RELN: variants seen among roughly 807,000 people sequenced by gnomAD.
RELN encodes reelin.
RELN carries 108 observed loss-of-function variants against 427.6 expected under a neutral mutation model. The ratio of observed to expected loss-of-function variants is 0.25; its 90% CI spans 0.22 to 0.30. The LOEUF is 0.30. RELN is among the 10% of genes least tolerant of loss of function. The pLI is 1.00. For synonymous variants in RELN, 1,524 were observed against 1,513.4 expected, an observed-to-expected ratio of 1.01 and a Z score of -0.16; for missense variants, 3,715 against 4,302.8, an observed-to-expected ratio of 0.86 and a Z score of 3.82.
chr7:103,551,352 T>C, intron 40 of RELN, 56 bp from the exon 41 acceptor site: 2 of 1,205,712 alleles, frequency 1.7e-6, no homozygotes, highest in Non-Finnish European at 1.2e-6. Context: ...AGCCTTGAAA[T>C]GATTCACCAC....
In RELN at chr7:103,827,355, G is replaced by C. The variant is rs369781195; in HGVS notation, c.473+6182C>G. ...GGAGGAGACAGGAAAGGAGAAAAGAGGGGGGAAAATGAAGGGAATAGTTTT... is the reference window on the plus strand; with the variant it reads ...GGAGGAGACAGGAAAGGAGAAAAGACGGGGGAAAATGAAGGGAATAGTTTT... On this transcript the variant is annotated intron_variant, in intron 3 of 64. Transcript: ENST00000428762. Among the ~76,000 whole-genome samples, 14 of 152,040 alleles carry C rather than the reference G, an allele frequency of 9.2e-5. No homozygotes were observed. In the East Asian group the frequency reaches 2.5e-3, roughly 27 times the overall value.
intron 2 of RELN, among the ~76,000 whole-genome samples, chr7:103,863,102 G>A (rs1794109317): frequency 1.3e-5 from 2 of 152,100 alleles, no homozygotes; most frequent in African/African-American, 4.8e-5. Context: ...CTCATCAAGA[G>A]AGACTGAAAC....
chr7:103,834,816 G>A (rs1239537100), intron 2 of RELN, among the ~76,000 whole-genome samples: 1 of 152,190 alleles, frequency 6.6e-6, no homozygotes, highest in East Asian at 1.9e-4. Context: ...TGCTGAGGAT[G>A]CAGAGCAAAA....
intron 28 of RELN, among the ~76,000 whole-genome samples, chr7:103,583,733 A>G (rs1356730930): frequency 1.3e-5 from 2 of 152,256 alleles, no homozygotes; most frequent in Non-Finnish European, 2.9e-5. Flanking sequence ...ACAAGTAGCC[A>G]GCATGGCTGA....
chr7:103,572,415 T>C (rs1397093512), intron 30 of RELN, among the ~76,000 whole-genome samples, 155 bp from the exon 31 acceptor site: 2 of 152,240 alleles, frequency 1.3e-5, no homozygotes, highest in East Asian at 1.9e-4. Flanking sequence ...ACATAAATTA[T>C]AGTAAGTTAA....
At chr7:103,900,300 C>T (rs1196146158) in intron 2 of RELN, among the ~76,000 whole-genome samples, 2 of 151,960 alleles carry the variant, frequency 1.3e-5, no homozygotes, top group Admixed American at 6.6e-5. Flanking sequence ...TAAGAGAGGA[C>T]ACAAACAAAT....
At chr7:103,816,836 T>C (rs1014907494) in intron 3 of RELN, among the ~76,000 whole-genome samples, 1 of 151,970 alleles carries the variant, frequency 6.6e-6, no homozygotes, top group African/African-American at 2.4e-5. Context: ...ACAGCTCAGA[T>C]TATTTTTCCT....
chr7:103,629,983 G>A lies in RELN; in HGVS notation c.2659C>T (p.Leu887Phe). The A allele has an allele frequency of 2.5e-6, 4 of 1,613,570 alleles. No individual in the cohort carries two copies. Among genetic ancestry groups the A allele is most frequent in the Non-Finnish European group, 3.4e-6 (4 of 1,179,636 alleles). ...VEVTQSLGFY[L>F]GNVQPYCGHD... The stretch of plus-strand genomic sequence containing the variant: ...CCACAGTATGGCTGAACATTTCCAA[G>A]GTAGAATCCCAGAGACTGAGTGACC... The change falls in exon 20 of 65, where the codon CTT becomes TTT. Residue 887 changes from leucine (L) to phenylalanine (F), a missense_variant. Leu to Phe is a conservative substitution (Grantham distance 22, BLOSUM62 0). This residue lies in a region of RELN where 2,208 missense variants were observed against 2,361.7 expected (regional missense o/e 0.93). Coordinates refer to ENST00000428762, the MANE Select transcript of RELN (RefSeq NM_005045.4).
In RELN at chr7:103,761,593, C is replaced by T. The variant is rs77082068; in HGVS notation, c.545-8379G>A. Among the ~76,000 whole-genome samples the T allele has an allele frequency of 3.9e-3, 586 of 152,088 alleles. 11 individuals carry two copies. In the East Asian group the frequency reaches 0.077, roughly 20 times the overall value. ...TCAGCCTCCCAAGAAGCTGGGACTA[C>T]AGGCATACAGCACCAAGACCAGTAA... On this transcript the variant is annotated intron_variant, in intron 4 of 64. Transcript: ENST00000428762.
At chr7:103,954,260 A>AAAACAAAC (rs551109780) in intron 1 of RELN, among the ~76,000 whole-genome samples, 1 of 152,160 alleles carries the variant, frequency 6.6e-6, no homozygotes, top group Admixed American at 6.5e-5. Flanking sequence ...ACTCTGTCTC[A>AAAACAAAC]AAACAAACAA....
rs116889196 is a variant in RELN, at chr7:103,828,327, A to G, written c.473+5210T>C. Reference sequence around the variant, plus strand: ...TTTTTTTTGCCTTCTCGTTTAGTGTACTTTAAGAAAACTATCCCTCTAGGA... The same window carrying G: ...TTTTTTTTGCCTTCTCGTTTAGTGTGCTTTAAGAAAACTATCCCTCTAGGA... On this transcript the variant is annotated intron_variant, in intron 3 of 64. Transcript: ENST00000428762. 2.9e-4 allele frequency among the ~76,000 whole-genome samples: 44 copies of G among 152,080 alleles called. 1 individual carries two copies. In the East Asian group the frequency reaches 8.5e-3, roughly 29 times the overall value.
chr7:103,967,997 C>G (rs1421295404), intron 1 of RELN, among the ~76,000 whole-genome samples: 1 of 149,950 alleles, frequency 6.7e-6, no homozygotes, highest in East Asian at 1.9e-4. Flanking sequence ...ATTTCTCAAA[C>G]TGTATAGTTT....
intron 6 of RELN, among the ~76,000 whole-genome samples, chr7:103,747,956 C>T (rs76316532): frequency 0.022 from 3,375 of 152,086 alleles, 62 homozygotes; most frequent in Middle Eastern, 0.058. Context: ...AGAATTTGCA[C>T]CACCGAACAG....
intron 2 of RELN, among the ~76,000 whole-genome samples, chr7:103,871,199 A>T (rs1794325530): frequency 6.6e-6 from 1 of 152,122 alleles, no homozygotes; most frequent in African/African-American, 2.4e-5. Flanking sequence ...AATTAACTGA[A>T]GAATTAAGGT....
intron 51 of RELN, among the ~76,000 whole-genome samples, chr7:103,505,519 A>G (rs1193148193): frequency 6.6e-6 from 1 of 152,220 alleles, no homozygotes; most frequent in Non-Finnish European, 1.5e-5. Context: ...AAGGAATAGT[A>G]TCAATACCAA....
chr7:103,863,227 C>T (rs574067021), intron 2 of RELN, among the ~76,000 whole-genome samples: 79 of 152,072 alleles, frequency 5.2e-4, no homozygotes, highest in African/African-American at 1.7e-3. Context: ...AGAGACATGA[C>T]GCATAAAAGC....
chr7:103,786,790 C>T (rs565856605), intron 3 of RELN, among the ~76,000 whole-genome samples: 1 of 152,220 alleles, frequency 6.6e-6, no homozygotes, highest in South Asian at 2.1e-4. Flanking sequence ...TTAGACAGAT[C>T]AACGAAGCAG....
At chr7:103,764,007 G>T (rs1306523293) in intron 4 of RELN, among the ~76,000 whole-genome samples, 1 of 152,160 alleles carries the variant, frequency 6.6e-6, no homozygotes, top group African/African-American at 2.4e-5. Context: ...AATAAGCAAA[G>T]AAATGTGTTA....
chr7:103,906,806 G>A (rs548601094), intron 2 of RELN, among the ~76,000 whole-genome samples: 1 of 152,156 alleles, frequency 6.6e-6, no homozygotes, highest in Non-Finnish European at 1.5e-5. Flanking sequence ...GAGGGCAGAG[G>A]AGAAATATGT....
Sources: gnomAD v4.1 joint callset for allele counts (sites outside exome capture counted in the v4.1 genomes callset) on GRCh38, gnomAD v4.1.1 for gene constraint, gnomAD v4.1.1 regional missense constraint, MANE v1.5 for transcripts, NCBI Gene and HGNC (gene_info 2026-07-23, HGNC 2026-07-21) for gene names.